Variants in CARHSP1 observed in about 807,000 individuals in gnomAD.
CARHSP1 encodes calcium-regulated heat-stable protein 1.
In CARHSP1, 14 loss-of-function variants were observed where a neutral mutation model predicts 12.5. The observed-to-expected ratio is 1.12, with a 90% CI of 0.74 to 1.75. The LOEUF is 1.75. CARHSP1 is among the 40% of genes most tolerant of loss of function. The pLI is 0.00. For missense variants in CARHSP1, 343 were observed against 201.6 expected (o/e 1.70, Z -4.25); for synonymous variants, 161 against 82.0 (o/e 1.96, Z -5.20).
intron 2 of CARHSP1, 163 bp from the exon 3 acceptor site, chr16:8,858,635 T>G: frequency 1.2e-6 from 1 of 822,042 alleles, no homozygotes; most frequent in African/African-American, 1.7e-5. Flanking sequence ...TGGGAGCCGC[T>G]CACAAAGACG....
At chr16:8,863,531 G>C (rs2061405316) in intron 1 of CARHSP1, among the ~76,000 whole-genome samples, 1 of 152,212 alleles carries the variant, frequency 6.6e-6, no homozygotes, top group Admixed American at 6.5e-5. Flanking sequence ...CTGCTCACCT[G>C]ATAGTGGAAG....
intron 1 of CARHSP1, chr16:8,860,091 G>C (rs1390607611): frequency 1.0e-6 from 1 of 974,364 alleles, no homozygotes; most frequent in Non-Finnish European, 1.2e-6. Flanking sequence ...AGGGAAGCAG[G>C]GGCAAAAACT....
At chr16:8,861,667 T>C (rs796127025) in intron 1 of CARHSP1, 3 of 1,288,968 alleles carry the variant, frequency 2.3e-6, no homozygotes, top group South Asian at 1.2e-5. Context: ...GCATCCTACC[T>C]CCTGTCCCTT....
At chr16:8,861,004 C>G (rs2061334953) in intron 1 of CARHSP1, among the ~76,000 whole-genome samples, 1 of 147,136 alleles carries the variant, frequency 6.8e-6, no homozygotes, top group African/African-American at 2.5e-5. Context: ...GAGCCGAGAT[C>G]ACACCACAGC....
rs903951180 is a variant in CARHSP1, at chr16:8,864,145, G to A, written c.-7-4810C>T. Reference sequence around the variant, plus strand: ...TGTGTGCTCGTTTGTGCACAGGTATGTAGGTGTATGCACATGTGTATGTGT... The same window carrying A: ...TGTGTGCTCGTTTGTGCACAGGTATATAGGTGTATGCACATGTGTATGTGT... On this transcript the variant is annotated intron_variant, in intron 1 of 3. Transcript: ENST00000311052. Among the ~76,000 whole-genome samples the A allele has an allele frequency of 2.3e-4, 35 of 152,264 alleles. 1 individual carries two copies. The highest frequency in any genetic ancestry group is 8.4e-4 in the African/African-American group (35 of 41,476).
chr16:8,861,642 C>T (rs1214610273), intron 1 of CARHSP1: 2 of 1,289,038 alleles, frequency 1.6e-6, no homozygotes, highest in African/African-American at 1.5e-5. Flanking sequence ...GCTGGCTTGC[C>T]TTCTGGAGGA....
chr16:8,864,548 G>T (rs1211017400), intron 1 of CARHSP1, among the ~76,000 whole-genome samples: 1 of 152,206 alleles, frequency 6.6e-6, no homozygotes, highest in Non-Finnish European at 1.5e-5. Context: ...GCCCAGGGTC[G>T]CCCGGCTAAC....
rs952437301 is a variant in CARHSP1 at position 8,861,744 on chromosome 16, C to T, written c.-7-2409G>A. The T allele has an allele frequency of 4.7e-6, 6 of 1,286,240 alleles. No homozygotes were observed. In the African/African-American group the frequency reaches 9.1e-5, roughly 20 times the overall value. The allele number at this position is 1,286,240 out of a possible 1,614,324, so 79.7% of individuals were successfully genotyped here. A position where few individuals can be genotyped will look rare whatever the true frequency, so the allele number is the denominator to read the frequency against. On this transcript the variant is annotated intron_variant, in intron 1 of 3. Coordinates refer to ENST00000311052, the MANE Select transcript of CARHSP1 (RefSeq NM_014316.4). ...GGGGAGCCCCCACCTCAAAAAGGCC[C>T]CAGCTGCTGGCCTGGGGGCCAGGGC...
chr16:8,855,296 GCCTTCCACTGGGACATACTCC>G lies in CARHSP1; in HGVS notation c.291_311del (p.Glu98_Gly104del), dbSNP rs2061062537. The G allele has an allele frequency of 6.2e-7, 1 of 1,608,480 alleles. No individual in the cohort carries two copies. Among genetic ancestry groups the G allele is most frequent in the Non-Finnish European group, 8.5e-7 (1 of 1,176,638 alleles). ...AGCACATTTTATAGGTGACCTCGTC[GCCTTCCACTGGGACATACTCC>G]CCTTCCACACTACGGGGGCATAAAT... On this transcript the variant is annotated inframe_deletion, in exon 4 of 4. Transcript: ENST00000311052.
chr16:8,855,333 G>T lies in CARHSP1; in HGVS notation c.282-7C>A, dbSNP rs755124372. ...GACATACTCCCCTTCCACACTACGG[G>T]GGCATAAATAAAGCAGTCAGGGCTC... On this transcript the variant is annotated splice_region_variant and splice_polypyrimidine_tract_variant and intron_variant, in intron 3 of 3. Coordinates refer to ENST00000311052, the MANE Select transcript of CARHSP1 (RefSeq NM_014316.4). 1 of 1,547,714 alleles carries T rather than the reference G, an allele frequency of 6.5e-7. No homozygotes were observed. The highest frequency in any genetic ancestry group is 1.2e-5 in the South Asian group (1 of 83,006).
chr16:8,863,930 C>T (rs558791834), intron 1 of CARHSP1, among the ~76,000 whole-genome samples: 1 of 152,322 alleles, frequency 6.6e-6, no homozygotes, highest in African/African-American at 2.4e-5. Flanking sequence ...CCCAGCAATA[C>T]CAGGCATGGC....
At chr16:8,867,843 G>A (rs2061475878) in intron 1 of CARHSP1, 1 of 152,518 alleles carries the variant, frequency 6.6e-6, no homozygotes, top group African/African-American at 2.4e-5. Context: ...AGTGGCGGAA[G>A]ATAACAGGAA....
At chr16:8,857,520 G>A (rs1428844051) in intron 3 of CARHSP1, 1 of 123,460 alleles carries the variant, frequency 8.1e-6, no homozygotes, top group Non-Finnish European at 1.6e-5. Flanking sequence ...TTGAAGTCCT[G>A]ACCTCAGGTG....
rs2061207355 is a variant in CARHSP1, at chr16:8,858,098, A to G, written c.281+252T>C. 1.1e-5 allele frequency: 6 copies of G among 523,652 alleles called. No homozygotes were observed. In the South Asian group the frequency reaches 1.3e-4, roughly 11 times the overall value. 32.4% of individuals were successfully genotyped at this position (523,652 alleles called of 1,614,324 possible). ...CTTACACACCCATTCACAAAGACAC[A>G]CCCAGGGACAATCACAAGTACCGTG... On this transcript the variant is annotated intron_variant, in intron 3 of 3. Transcript: ENST00000311052.
In CARHSP1 at chr16:8,854,932, A is replaced by G. The variant is rs1180609267; in HGVS notation, c.*232T>C. 2 of 382,308 alleles carry G rather than the reference A, an allele frequency of 5.2e-6. No homozygotes were observed. Among genetic ancestry groups the G allele is most frequent in the Non-Finnish European group, 9.3e-6 (2 of 215,676 alleles). 23.7% of individuals were successfully genotyped at this position (382,308 alleles called of 1,614,324 possible). On this transcript the variant is annotated 3_prime_UTR_variant, in exon 4 of 4. Coordinates refer to ENST00000311052, the MANE Select transcript of CARHSP1 (RefSeq NM_014316.4). ...CACCTCTCCTTTTTAAATGCTTTTA[A>G]TGCTCTTCAGATGGTGAGAGGTTGT... is the stretch of plus-strand genomic sequence containing the variant.
At chr16:8,856,925 C>G (rs561290287) in intron 3 of CARHSP1, among the ~76,000 whole-genome samples, 117 of 152,092 alleles carry the variant, frequency 7.7e-4, no homozygotes, top group Admixed American at 1.4e-3. Context: ...TTTTCAGACA[C>G]TCAGGAAGGA....
At chr16:8,868,536 A>AGCCAGCTGTG (rs1596333107) in intron 1 of CARHSP1, 2 of 145,706 alleles carry the variant, frequency 1.4e-5, no homozygotes, top group African/African-American at 5.0e-5. Context: ...CCCAACCTCG[A>AGCCAGCTGTG]GCCACAGCTG....
intron 1 of CARHSP1, among the ~76,000 whole-genome samples, chr16:8,864,703 G>A (rs1009804833): frequency 1.3e-5 from 2 of 152,206 alleles, no homozygotes; most frequent in Non-Finnish European, 2.9e-5. Flanking sequence ...GCTCTGATGA[G>A]TGCCCGGCCA....
intron 1 of CARHSP1, chr16:8,868,211 G>A (rs1009284633): frequency 6.6e-6 from 1 of 152,298 alleles, no homozygotes; most frequent in Non-Finnish European, 1.5e-5. Flanking sequence ...CCTGCCTGGA[G>A]CGGGACGTCT....
Sources: gnomAD v4.1 joint callset for allele counts (sites outside exome capture counted in the v4.1 genomes callset) on GRCh38, gnomAD v4.1.1 for gene constraint, MANE v1.5 for transcripts, NCBI Gene and HGNC (gene_info 2026-07-23, HGNC 2026-07-21) for gene names.